SERPINA3: variants seen among roughly 807,000 people sequenced by gnomAD.
SERPINA3 encodes serpin family A member 3.
SERPINA3 carries 32 observed loss-of-function variants against 26.8 expected under a neutral mutation model. The ratio of observed to expected loss-of-function variants is 1.20; its 90% CI spans 0.90 to 1.61. The LOEUF is 1.61. Ranked by LOEUF, SERPINA3 falls within the 40% of genes most tolerant of loss-of-function variation. The pLI, the probability that SERPINA3 is intolerant of heterozygous loss-of-function variation, is 0.00. For synonymous variants in SERPINA3, 252 were observed against 206.4 expected (o/e 1.22, Z -1.89); for missense variants, 632 against 517.9 (o/e 1.22, Z -2.14).
In SERPINA3 at chr14:94,622,358, A is replaced by G; in HGVS notation, c.935A>G (p.Tyr312Cys). The G allele has an allele frequency of 6.2e-7, 1 of 1,614,022 alleles. No homozygotes were observed. Among genetic ancestry groups the G allele is most frequent in the East Asian group, 2.2e-5 (1 of 44,850 alleles). The change falls in exon 4 of 5, where the codon TAC becomes TGC. Residue 312 changes from tyrosine (Y) to cysteine (C), a missense_variant. Coordinates refer to ENST00000393078, the MANE Select transcript of SERPINA3 (RefSeq NM_001085.5). ...SLEFREIGEL[Y>C]LPKFSISRDY... ...TTTTCTAGAGAGATAGGTGAGCTCT[A>G]CCTGCCAAAGTTTTCCATCTCGAGG...
chr14:94,623,624 C>T lies in SERPINA3; in HGVS notation c.1082C>T (p.Ala361Val). The change falls in exon 5 of 5, where the codon GCT becomes GTT. Residue 361 changes from alanine (A) to valine (V), a missense_variant. Coordinates refer to ENST00000393078, the MANE Select transcript of SERPINA3 (RefSeq NM_001085.5). Reference sequence around the variant, plus strand: ...CTGTCCCCACAGGTGGTCCATAAGGCTGTGCTTGATGTATTTGAGGAGGGC... The same window carrying T: ...CTGTCCCCACAGGTGGTCCATAAGGTTGTGCTTGATGTATTTGAGGAGGGC... ...NLAVSQVVHK[A>V]VLDVFEEGTE... 1.2e-6 allele frequency: 2 copies of T among 1,614,116 alleles called. No individual in the cohort carries two copies. The highest frequency in any genetic ancestry group is 1.7e-6 in the Non-Finnish European group (2 of 1,180,012).
At chr14:94,623,158 T>G (rs1021136397) in intron 4 of SERPINA3, among the ~76,000 whole-genome samples, 1 of 152,210 alleles carries the variant, frequency 6.6e-6, no homozygotes, top group South Asian at 2.1e-4. Flanking sequence ...CAAGGATGTT[T>G]AAGCTAGAGC....
Position 94,623,593 on chromosome 14 carries a change from G to C in SERPINA3, c.1069-18G>C. On this transcript the variant is annotated intron_variant, in intron 4 of 4. Coordinates refer to ENST00000393078, the MANE Select transcript of SERPINA3 (RefSeq NM_001085.5). ...CGCATCTGTGTTTCCCGTGTGTAAT[G>C]TTCTGCTGTCCCCACAGGTGGTCCA... The C allele has an allele frequency of 6.2e-7, 1 of 1,612,696 alleles. No individual in the cohort carries two copies. Among genetic ancestry groups the C allele is most frequent in the Non-Finnish European group, 8.5e-7 (1 of 1,179,188 alleles).
At chr14:94,621,444 A>G (rs1178896441) in intron 3 of SERPINA3, among the ~76,000 whole-genome samples, 1 of 152,134 alleles carries the variant, frequency 6.6e-6, no homozygotes, top group African/African-American at 2.4e-5. Context: ...AAATAGAAAT[A>G]GGACACCTTC....
At position 94,614,419 on chromosome 14, in the gene SERPINA3, A is replaced by G. The variant is rs1424607482; in HGVS notation, c.-8-15A>G. 6.2e-7 allele frequency: 1 copy of G among 1,610,978 alleles called. No homozygotes were observed. The highest frequency in any genetic ancestry group is 1.7e-5 in the Admixed American group (1 of 60,012). On this transcript the variant is annotated splice_polypyrimidine_tract_variant and intron_variant, in intron 1 of 4. Coordinates refer to ENST00000393078, the MANE Select transcript of SERPINA3 (RefSeq NM_001085.5). ...CATCTGGCCCTCTGAGACTTAAAGG[A>G]GCTTTGCTTTTCAGAGTTGAGAATG...
intron 4 of SERPINA3, chr14:94,622,870 A>T (rs1278889546): frequency 3.0e-6 from 1 of 337,146 alleles, no homozygotes; most frequent in Non-Finnish European, 5.7e-6. Context: ...GGGAATGCCA[A>T]TAGGTAATAA....
Position 94,614,561 on chromosome 14 carries a change from C to T in SERPINA3, c.120C>T (p.Asp40=), listed in dbSNP as rs1368905402. Residue 40 remains aspartate (D), a synonymous_variant, in exon 2 of 5, where the codon GAC becomes GAT. Coordinates refer to ENST00000393078, the MANE Select transcript of SERPINA3 (RefSeq NM_001085.5). ...AGAATCTGACCCAGGAGAACCAAGA[C>T]CGAGGGACACACGTGGACCTCGGAT... is the stretch of plus-strand genomic sequence containing the variant. The part of the protein sequence containing the change: ...DEENLTQENQ[D]RGTHVDLGLA... The T allele has an allele frequency of 6.2e-7, 1 of 1,614,156 alleles. No homozygotes were observed.
rs1159166887 is a variant in SERPINA3, at chr14:94,619,285, G to A, written c.734G>A (p.Ser245Asn). 1.2e-6 allele frequency: 2 copies of A among 1,614,076 alleles called. No individual in the cohort carries two copies. Among genetic ancestry groups the A allele is most frequent in the Non-Finnish European group, 1.7e-6 (2 of 1,180,042 alleles). ...AAGTGGGTAATGGTGCCCATGATGA[G>A]TTTGCATCACCTGACTATACCTTAC... ...KKKWVMVPMM[S>N]LHHLTIPYFR... is the part of the protein sequence containing the mutation. The change falls in exon 3 of 5, where the codon AGT becomes AAT. Residue 245 changes from serine to asparagine, a missense_variant. Physicochemically the swap from Ser to Asn is conservative, Grantham distance 46. Transcript: ENST00000393078.
intron 2 of SERPINA3, chr14:94,617,959 C>G (rs924955789): frequency 5.9e-5 from 9 of 152,084 alleles, no homozygotes; most frequent in Admixed American, 1.3e-4. Context: ...CCATTCTTAG[C>G]TTTAGGTACA....
Position 94,623,662 on chromosome 14 carries a change from G to T in SERPINA3, c.1120G>T (p.Ala374Ser). 6.2e-7 allele frequency: 1 copy of T among 1,614,188 alleles called. No individual in the cohort carries two copies. The highest frequency in any genetic ancestry group is 8.5e-7 in the Non-Finnish European group (1 of 1,180,024). The change falls in exon 5 of 5, where the codon GCT becomes TCT. Residue 374 changes from alanine (A) to serine (S), a missense_variant. By Grantham distance (99) the Ala-to-Ser change is moderately conservative. Transcript: ENST00000393078. ...DVFEEGTEAS[A>S]ATAVKITLLS... is the part of the protein sequence containing the mutation. Reference sequence around the variant, plus strand: ...ATTTGAGGAGGGCACAGAAGCATCTGCTGCCACAGCAGTCAAAATCACCCT... The same window carrying T: ...ATTTGAGGAGGGCACAGAAGCATCTTCTGCCACAGCAGTCAAAATCACCCT...
At chr14:94,622,600 C>A (rs762664410) in intron 4 of SERPINA3, 109 bp downstream of exon 4, 5 of 1,209,334 alleles carry the variant, frequency 4.1e-6, no homozygotes, top group Non-Finnish European at 4.8e-6. Context: ...ACGTGCATTT[C>A]TCATTATATA....
chr14:94,621,734 C>T (rs574271528), intron 3 of SERPINA3, among the ~76,000 whole-genome samples: 10 of 151,950 alleles, frequency 6.6e-5, no homozygotes, highest in Admixed American at 5.9e-4. Flanking sequence ...TCTTCAGAGG[C>T]CCCCAGGCCC....
intron 1 of SERPINA3, chr14:94,614,183 G>T (rs1232012362): frequency 1.1e-5 from 6 of 525,106 alleles, no homozygotes; most frequent in Admixed American, 6.3e-5. Context: ...TCTTGGGCAA[G>T]CCCCCTCACC....
intron 4 of SERPINA3, 49 bp downstream of exon 4, chr14:94,622,540 T>C (rs1173123812): frequency 1.2e-6 from 2 of 1,604,022 alleles, no homozygotes; most frequent in Non-Finnish European, 8.5e-7. Flanking sequence ...CGAACTTGAA[T>C]TGGTGAAGGC....
At chr14:94,623,321 A>C (rs578158375) in intron 4 of SERPINA3, among the ~76,000 whole-genome samples, 23 of 152,278 alleles carry the variant, frequency 1.5e-4, no homozygotes, top group African/African-American at 5.3e-4. Context: ...TGGGGGCAAA[A>C]TAGACTCTCA....
intron 2 of SERPINA3, among the ~76,000 whole-genome samples, chr14:94,616,661 A>G (rs1296944966): frequency 6.6e-6 from 1 of 152,178 alleles, no homozygotes; most frequent in Non-Finnish European, 1.5e-5. Flanking sequence ...GGGGCATCCA[A>G]CCAGGGGCAG....
At chr14:94,617,101 C>T (rs370468484) in intron 2 of SERPINA3, among the ~76,000 whole-genome samples, 1 of 152,148 alleles carries the variant, frequency 6.6e-6, no homozygotes, top group Non-Finnish European at 1.5e-5. Context: ...CAAAGGAGCT[C>T]GGTGCCCTGG....
In SERPINA3 at chr14:94,622,280, T is replaced by C. The variant is rs570677113; in HGVS notation, c.918-61T>C. ...AACCAGGGAAGACCATGCTGCGAGG[T>C]GGGAGGCAGGTAGGTACTGATCAGC... On this transcript the variant is annotated intron_variant, in intron 3 of 4. Transcript: ENST00000393078. 4.7e-5 allele frequency: 72 copies of C among 1,529,846 alleles called. No individual in the cohort carries two copies. In the East Asian group the frequency reaches 1.6e-3, roughly 34 times the overall value. The allele number at this position is 1,529,846 out of a possible 1,614,324, so 94.8% of individuals were successfully genotyped here. A position where few individuals can be genotyped will look rare whatever the true frequency, so the allele number is the denominator to read the frequency against.
intron 4 of SERPINA3, 70 bp from the exon 5 acceptor site, chr14:94,623,541 G>A: frequency 7.1e-7 from 1 of 1,407,400 alleles, no homozygotes. Flanking sequence ...CCCCTTAGTG[G>A]CACACAGGCA....
Sources: gnomAD v4.1 joint callset for allele counts (sites outside exome capture counted in the v4.1 genomes callset) on GRCh38, gnomAD v4.1.1 for gene constraint, MANE v1.5 for transcripts, NCBI Gene and HGNC (gene_info 2026-07-23, HGNC 2026-07-21) for gene names.